MSI2: variants seen among roughly 807,000 people sequenced by gnomAD.
MSI2 encodes RNA-binding protein Musashi homolog 2.
Under a neutral mutation model 45.6 loss-of-function variants are expected in MSI2, and 17 were observed. That is an observed-to-expected ratio of 0.37 (90% CI 0.26 to 0.56). The LOEUF (loss-of-function observed/expected upper bound fraction) is 0.56, where lower values mean the gene tolerates loss of function less well. MSI2 is among the 20% of genes least tolerant of loss of function. The pLI, the probability that MSI2 is intolerant of heterozygous loss-of-function variation, is 0.77. For synonymous variants in MSI2, 156 were observed against 158.2 expected, an observed-to-expected ratio of 0.99 and a Z score of 0.11; for missense variants, 293 against 444.2, an observed-to-expected ratio of 0.66 and a Z score of 3.06.
chr17:57,577,052 G>A (rs905204810), intron 7 of MSI2, among the ~76,000 whole-genome samples: 7 of 152,180 alleles, frequency 4.6e-5, no homozygotes, highest in African/African-American at 1.7e-4. Flanking sequence ...GTCGTCTGAT[G>A]GGGACCAGGA....
intron 5 of MSI2, among the ~76,000 whole-genome samples, chr17:57,324,394 G>A (rs984681546): frequency 4.0e-5 from 6 of 151,300 alleles, no homozygotes; most frequent in African/African-American, 1.2e-4. Context: ...TATACTCCCC[G>A]GTCAGTCACA....
chr17:57,462,015 A>G (rs1289517380), intron 6 of MSI2, among the ~76,000 whole-genome samples: 2 of 152,228 alleles, frequency 1.3e-5, no homozygotes, highest in South Asian at 4.1e-4. Flanking sequence ...TTGGGAGGCC[A>G]GAAGTCCAAG....
intron 5 of MSI2, among the ~76,000 whole-genome samples, chr17:57,360,711 G>C (rs918766473): frequency 6.6e-6 from 1 of 152,218 alleles, no homozygotes; most frequent in African/African-American, 2.4e-5. Context: ...CCACAGAAGA[G>C]AAATTTTTAG....
intron 5 of MSI2, among the ~76,000 whole-genome samples, chr17:57,316,391 G>C (rs925219421): frequency 6.7e-6 from 1 of 150,374 alleles, no homozygotes; most frequent in Non-Finnish European, 1.5e-5. Context: ...ACAGTGGCAT[G>C]ATCATGGCTC....
rs117684131 is a variant in MSI2, at chr17:57,547,882, T to C, written c.454+18158T>C. The stretch of plus-strand genomic sequence containing the variant: ...TCAGGGGAACTCTGAGTAGATTTTA[T>C]CATCAGTGTGGTAGACAGTGAAACT... On this transcript the variant is annotated intron_variant, in intron 7 of 13. Transcript: ENST00000284073. 5.4e-3 allele frequency among the ~76,000 whole-genome samples: 825 copies of C among 152,232 alleles called. 4 individuals are homozygous for C. The highest frequency in any genetic ancestry group is 0.02 in the Middle Eastern group (6 of 294).
At chr17:57,530,099 T>A (rs1198124188) in intron 7 of MSI2, among the ~76,000 whole-genome samples, 1 of 152,090 alleles carries the variant, frequency 6.6e-6, no homozygotes, top group Non-Finnish European at 1.5e-5. Context: ...TTGAAGGAGG[T>A]TCTTTAGGAG....
intron 5 of MSI2, among the ~76,000 whole-genome samples, chr17:57,285,060 G>C (rs755555607): frequency 6.6e-6 from 1 of 151,954 alleles, no homozygotes; most frequent in Non-Finnish European, 1.5e-5. Context: ...ATAGATTGGC[G>C]TCGGTTTCTT....
chr17:57,699,149 GAGAGAGAGAGA>G, the MSI2 span, among the ~76,000 whole-genome samples: 1 of 22,084 alleles, frequency 4.5e-5, no homozygotes, highest in African/African-American at 2.8e-4. Context: ...AAGAGGCGAG[GAGAGAGAGAGA>G]GAGAGAGAGA....
intron 7 of MSI2, among the ~76,000 whole-genome samples, chr17:57,587,513 T>C (rs989897925): frequency 1.3e-5 from 2 of 152,172 alleles, no homozygotes; most frequent in Non-Finnish European, 2.9e-5. Flanking sequence ...ATTTCTGTTA[T>C]CTGATTCCTC....
chr17:57,490,763 C>G (rs1558724), intron 6 of MSI2, among the ~76,000 whole-genome samples: 135,892 of 152,294 alleles, frequency 0.89, 60,711 homozygotes, highest in Middle Eastern at 0.95. Context: ...CATAAAAGAA[C>G]TTTGGTTAAA....
At chr17:57,266,838 A>T (rs1907835649) in intron 5 of MSI2, 1 of 152,022 alleles carries the variant, frequency 6.6e-6, no homozygotes, top group Non-Finnish European at 1.5e-5. Context: ...GCTACCCAGT[A>T]AAGTTACGTT....
In MSI2 at chr17:57,296,768, C is replaced by T. The variant is rs188657528; in HGVS notation, c.312+34576C>T. Reference sequence around the variant, plus strand: ...TAATTTCTTAGTTTGATCAATGCATCGTGGTTATGTAAGAGATGAACATTA... The same window carrying T: ...TAATTTCTTAGTTTGATCAATGCATTGTGGTTATGTAAGAGATGAACATTA... On this transcript the variant is annotated intron_variant, in intron 5 of 13. Coordinates refer to ENST00000284073, the MANE Select transcript of MSI2 (RefSeq NM_138962.4). Among the ~76,000 whole-genome samples the T allele has an allele frequency of 2.9e-3, 434 of 152,162 alleles. 3 individuals are homozygous for T. Among genetic ancestry groups the T allele is most frequent in the African/African-American group, 9.5e-3 (394 of 41,494 alleles).
intron 1 of MSI2, 24 bp downstream of exon 1, chr17:57,256,828 C>A (rs1052581916): frequency 1.7e-5 from 24 of 1,443,928 alleles, no homozygotes; most frequent in African/African-American, 3.0e-5. Context: ...CGCTGCCCAC[C>A]GCGCCGCCTT....
chr17:57,483,363 TA>T (rs998474098), intron 6 of MSI2, among the ~76,000 whole-genome samples: 22 of 151,746 alleles, frequency 1.4e-4, no homozygotes, highest in African/African-American at 5.3e-4. Context: ...ACTGAAAGAG[TA>T]AAAAGAAAAC....
At chr17:57,394,182 C>T (rs1022209359) in intron 5 of MSI2, among the ~76,000 whole-genome samples, 1 of 152,180 alleles carries the variant, frequency 6.6e-6, no homozygotes, top group African/African-American at 2.4e-5. Context: ...CTCAATCCTC[C>T]CCTTTTTCCA....
chr17:57,322,491 G>C (rs1376318892), intron 5 of MSI2, among the ~76,000 whole-genome samples: 1 of 152,172 alleles, frequency 6.6e-6, no homozygotes, highest in African/African-American at 2.4e-5. Flanking sequence ...GGAGGGGAGT[G>C]AGAGGGCAGA....
intron 6 of MSI2, among the ~76,000 whole-genome samples, chr17:57,475,766 G>C (rs1432437356): frequency 6.6e-6 from 1 of 151,200 alleles, no homozygotes; most frequent in Non-Finnish European, 1.5e-5. Flanking sequence ...TGAGAAAAGA[G>C]TGTTGTCTGT....
At chr17:57,270,966 G>T (rs895193978) in intron 5 of MSI2, among the ~76,000 whole-genome samples, 4 of 152,190 alleles carry the variant, frequency 2.6e-5, no homozygotes, top group African/African-American at 9.7e-5. Context: ...TTATCTTGGG[G>T]ATGCTTGATG....
At chr17:57,405,877 T>C (rs1011403599) in intron 6 of MSI2, among the ~76,000 whole-genome samples, 15 of 152,190 alleles carry the variant, frequency 9.9e-5, no homozygotes, top group Non-Finnish European at 2.1e-4. Context: ...TCAAGTGAGA[T>C]GGTTGGCAGA....
Sources: gnomAD v4.1 joint callset for allele counts (sites outside exome capture counted in the v4.1 genomes callset) on GRCh38, gnomAD v4.1.1 for gene constraint, MANE v1.5 for transcripts, NCBI Gene and HGNC (gene_info 2026-07-23, HGNC 2026-07-21) for gene names.